The following MACROD2 variants were observed in gnomAD, a reference collection of about 807,000 sequenced individuals.
MACROD2 encodes the protein ADP-ribose glycohydrolase MACROD2.
MACROD2 carries 36 observed loss-of-function variants against 70.4 expected under a neutral mutation model. The ratio of observed to expected loss-of-function variants is 0.51; its 90% CI spans 0.39 to 0.68. The LOEUF (loss-of-function observed/expected upper bound fraction) is 0.68, where lower values mean the gene tolerates loss of function less well. Among genes scored for constraint, MACROD2 ranks in the 30% least tolerant of loss-of-function variants. The pLI is 0.00. For missense variants in MACROD2, 496 were observed against 538.4 expected (o/e 0.92, Z 0.78); for synonymous variants, 172 against 178.8 (o/e 0.96, Z 0.30).
At chr20:15,408,216 C>T (rs1358055918) in intron 6 of MACROD2, among the ~76,000 whole-genome samples, 1 of 152,216 alleles carries the variant, frequency 6.6e-6, no homozygotes, top group African/African-American at 2.4e-5. Flanking sequence ...AGAATGTCCT[C>T]TTGAAGAATC....
At chr20:15,676,722 T>C (rs2050061869) in intron 8 of MACROD2, among the ~76,000 whole-genome samples, 1 of 152,212 alleles carries the variant, frequency 6.6e-6, no homozygotes, top group Non-Finnish European at 1.5e-5. Context: ...GTCATTTCAA[T>C]GGACATGTTT....
At chr20:15,936,688 T>TATATATATA (rs11473996) in intron 11 of MACROD2, among the ~76,000 whole-genome samples, 2 of 150,586 alleles carry the variant, frequency 1.3e-5, no homozygotes, top group African/African-American at 2.4e-5. Context: ...TATATATATA[T>TATATATATA]TCATTTTCCA....
chr20:14,037,464 A>T (rs1330355909), intron 2 of MACROD2, among the ~76,000 whole-genome samples: 1 of 152,244 alleles, frequency 6.6e-6, no homozygotes, highest in African/African-American at 2.4e-5. Flanking sequence ...TTATAAACAG[A>T]TACCAATATT....
intron 3 of MACROD2, among the ~76,000 whole-genome samples, chr20:14,388,987 C>A (rs982289713): frequency 1.3e-5 from 2 of 151,884 alleles, no homozygotes; most frequent in East Asian, 3.9e-4. Context: ...AAGTGATTCT[C>A]CTGCCTCAGC....
Position 15,338,307 on chromosome 20 carries a change from T to C in MACROD2, c.541-93098T>C, listed in dbSNP as rs556044633. The stretch of plus-strand genomic sequence containing the variant: ...TCCTCATCCAGCTTTTCACCCATGT[T>C]TTTCTTCATATGCTGATGAATTCCT... On this transcript the variant is annotated intron_variant, in intron 6 of 17. Coordinates refer to ENST00000684519, the MANE Select transcript of MACROD2 (RefSeq NM_001351661.2). Among the ~76,000 whole-genome samples, 19 of 151,780 alleles carry C rather than the reference T, an allele frequency of 1.3e-4. 1 individual carries two copies. In the South Asian group the frequency reaches 1.7e-3, roughly 13 times the overall value.
chr20:14,064,646 C>T (rs575379206), intron 2 of MACROD2, among the ~76,000 whole-genome samples: 120 of 152,254 alleles, frequency 7.9e-4, no homozygotes, highest in Non-Finnish European at 1.2e-3. Context: ...TTAGTTCAGG[C>T]GAAGATTATT....
At chr20:15,078,857 G>T (rs1235141885) in intron 5 of MACROD2, among the ~76,000 whole-genome samples, 1 of 152,022 alleles carries the variant, frequency 6.6e-6, no homozygotes, top group African/African-American at 2.4e-5. Context: ...TATTGGTCAG[G>T]CTGGTCACAG....
intron 8 of MACROD2, among the ~76,000 whole-genome samples, chr20:15,771,269 G>A (rs1306221097): frequency 1.3e-5 from 2 of 151,882 alleles, no homozygotes. Context: ...TTACTTCCTG[G>A]GCTCAAGTGA....
intron 2 of MACROD2, among the ~76,000 whole-genome samples, chr20:14,075,542 C>A (rs1304519504): frequency 1.3e-5 from 2 of 152,148 alleles, no homozygotes; most frequent in African/African-American, 4.8e-5. Context: ...AACTTAAGAT[C>A]TTTCCAAAGT....
At chr20:15,055,136 G>C (rs766322511) in intron 5 of MACROD2, among the ~76,000 whole-genome samples, 1 of 152,036 alleles carries the variant, frequency 6.6e-6, no homozygotes, top group East Asian at 1.9e-4. Flanking sequence ...TTTTAGTAGA[G>C]ACAGGGTTTC....
At chr20:14,431,562 C>A (rs1042802583) in intron 3 of MACROD2, among the ~76,000 whole-genome samples, 1 of 152,048 alleles carries the variant, frequency 6.6e-6, no homozygotes, top group South Asian at 2.1e-4. Flanking sequence ...GAAAGAAATT[C>A]AGCTGTCAAT....
At chr20:14,164,826 G>T (rs1308267627) in intron 3 of MACROD2, among the ~76,000 whole-genome samples, 1 of 152,174 alleles carries the variant, frequency 6.6e-6, no homozygotes, top group African/African-American at 2.4e-5. Flanking sequence ...TACTGAGGAG[G>T]GCAAGATGCC....
intron 5 of MACROD2, among the ~76,000 whole-genome samples, chr20:14,970,228 C>T (rs1355100080): frequency 3.9e-5 from 6 of 152,106 alleles, no homozygotes; most frequent in Non-Finnish European, 7.4e-5. Flanking sequence ...TGCCTTCTAC[C>T]AGGTCCCTCC....
chr20:15,716,663 CA>C (rs749494192), intron 8 of MACROD2, among the ~76,000 whole-genome samples: 7 of 152,180 alleles, frequency 4.6e-5, no homozygotes, highest in Non-Finnish European at 8.8e-5. Flanking sequence ...CATCACAAGA[CA>C]ACCCTACTTT....
intron 3 of MACROD2, among the ~76,000 whole-genome samples, chr20:14,167,383 A>C (rs994384611): frequency 5.3e-5 from 8 of 151,390 alleles, no homozygotes; most frequent in African/African-American, 1.9e-4. Context: ...ATCTTTAAAT[A>C]TTTTTTTTGT....
At chr20:14,236,680 G>T (rs971132093) in intron 3 of MACROD2, among the ~76,000 whole-genome samples, 5 of 151,856 alleles carry the variant, frequency 3.3e-5, no homozygotes, top group Non-Finnish European at 5.9e-5. Flanking sequence ...TCCAGCAACC[G>T]CCCTCTCTTT....
chr20:14,572,417 G>T (rs1980253604), intron 4 of MACROD2, among the ~76,000 whole-genome samples: 1 of 152,008 alleles, frequency 6.6e-6, no homozygotes, highest in African/African-American at 2.4e-5. Flanking sequence ...ATGAACAGCA[G>T]TGTTACTCCT....
intron 8 of MACROD2, among the ~76,000 whole-genome samples, chr20:15,765,045 C>G (rs1777575239): frequency 6.6e-6 from 1 of 152,082 alleles, no homozygotes; most frequent in East Asian, 1.9e-4. Context: ...CTGCCTTGCT[C>G]TCTCACTTCT....
chr20:15,904,619 G>A (rs959288950), intron 10 of MACROD2, among the ~76,000 whole-genome samples: 6 of 152,018 alleles, frequency 3.9e-5, no homozygotes, highest in Middle Eastern at 6.8e-3. Context: ...GAGGCCAGGC[G>A]CGGTGGCTCA....
Sources: allele counts gnomAD v4.1 joint callset (sites outside exome capture counted in the v4.1 genomes callset), GRCh38; gene constraint gnomAD v4.1.1; transcripts MANE v1.5; gene names NCBI Gene and HGNC (gene_info 2026-07-23, HGNC 2026-07-21).